OXR1: variants seen among roughly 807,000 people sequenced by gnomAD.
OXR1 encodes the protein oxidation resistance 1, also known as oxidation resistance protein 1.
Under a neutral mutation model 104.6 loss-of-function variants are expected in OXR1, and 41 were observed. The ratio of observed to expected loss-of-function variants is 0.39; its 90% CI spans 0.31 to 0.51. The LOEUF (loss-of-function observed/expected upper bound fraction) is 0.51, where lower values mean the gene tolerates loss of function less well. Ranked by LOEUF, OXR1 falls within the 20% of genes least tolerant of loss-of-function variation. The pLI is 0.77. For missense variants in OXR1, 955 were observed against 1,031.9 expected, an observed-to-expected ratio of 0.93 and a Z score of 1.02; for synonymous variants, 348 against 348.4, an observed-to-expected ratio of 1.00 and a Z score of 0.01.
At chr8:106,645,408 G>T (rs954588554) in intron 3 of OXR1, among the ~76,000 whole-genome samples, 1 of 152,172 alleles carries the variant, frequency 6.6e-6, no homozygotes, top group African/African-American at 2.4e-5. Flanking sequence ...GGCATGCCCT[G>T]CTTCTCTCTT....
intron 3 of OXR1, among the ~76,000 whole-genome samples, chr8:106,533,300 G>T (rs2167802): frequency 0.049 from 7,477 of 152,232 alleles, 203 homozygotes; most frequent in Middle Eastern, 0.068. Context: ...CTTAGCCTCT[G>T]CTAGTAATTA....
chr8:106,389,106 C>G (rs1457588948), intron 2 of OXR1, among the ~76,000 whole-genome samples: 2 of 152,134 alleles, frequency 1.3e-5, no homozygotes, highest in Non-Finnish European at 2.9e-5. Flanking sequence ...TTCCAAACCT[C>G]AAAAACTCCT....
chr8:106,314,523 A>G (rs1813844859), intron 1 of OXR1, among the ~76,000 whole-genome samples: 1 of 152,214 alleles, frequency 6.6e-6, no homozygotes, highest in African/African-American at 2.4e-5. Flanking sequence ...ATTCCCTTTT[A>G]TAGGCTATTT....
chr8:106,690,291 A>G (rs1587102133), intron 6 of OXR1, among the ~76,000 whole-genome samples: 1 of 151,046 alleles, frequency 6.6e-6, no homozygotes, highest in East Asian at 1.9e-4. Flanking sequence ...AATCATATAT[A>G]CTACATTCAT....
At chr8:106,524,537 C>T (rs1051040461) in intron 3 of OXR1, among the ~76,000 whole-genome samples, 8 of 152,194 alleles carry the variant, frequency 5.3e-5, no homozygotes, top group Admixed American at 1.3e-4. Flanking sequence ...AATATCCACA[C>T]GATCAGAATC....
chr8:106,613,226 A>C (rs1017136464), intron 3 of OXR1, among the ~76,000 whole-genome samples: 8 of 152,184 alleles, frequency 5.3e-5, no homozygotes, highest in African/African-American at 1.7e-4. Context: ...CAGATGGCTG[A>C]ATCGCCAGTA....
At chr8:106,448,476 A>T (rs1192520467) in intron 2 of OXR1, among the ~76,000 whole-genome samples, 1 of 150,546 alleles carries the variant, frequency 6.6e-6, no homozygotes, top group African/African-American at 2.5e-5. Flanking sequence ...ATTAAAATAT[A>T]TTAAGCACAT....
chr8:106,500,184 G>A (rs1242775732), intron 2 of OXR1, among the ~76,000 whole-genome samples: 2 of 152,192 alleles, frequency 1.3e-5, no homozygotes, highest in Non-Finnish European at 2.9e-5. Flanking sequence ...TATACTGAAG[G>A]AAGAGAAAGA....
intron 2 of OXR1, among the ~76,000 whole-genome samples, chr8:106,398,950 TC>T (rs1436594293): frequency 6.6e-6 from 1 of 152,164 alleles, no homozygotes; most frequent in East Asian, 1.9e-4. Flanking sequence ...TTTCTCATCT[TC>T]CCTAAAATTT....
intron 1 of OXR1, among the ~76,000 whole-genome samples, chr8:106,358,431 T>G (rs1388877675): frequency 6.6e-6 from 1 of 152,210 alleles, no homozygotes; most frequent in Admixed American, 6.5e-5. Flanking sequence ...CCCTTTTCTG[T>G]GCTCCCACAT....
intron 2 of OXR1, among the ~76,000 whole-genome samples, chr8:106,421,092 T>C (rs912401247): frequency 1.3e-5 from 2 of 152,106 alleles, no homozygotes; most frequent in Non-Finnish European, 1.5e-5. Flanking sequence ...TAAAACATAG[T>C]TCCAAAATAG....
chr8:106,505,283 A>G (rs1298594139), intron 2 of OXR1, among the ~76,000 whole-genome samples: 1 of 152,216 alleles, frequency 6.6e-6, no homozygotes, highest in Admixed American at 6.5e-5. Context: ...TGTGAAGCCT[A>G]TGAGGAGGGG....
At chr8:106,412,412 C>A (rs901129070) in intron 2 of OXR1, among the ~76,000 whole-genome samples, 1 of 152,156 alleles carries the variant, frequency 6.6e-6, no homozygotes, top group Non-Finnish European at 1.5e-5. Context: ...AAAGCCAAAT[C>A]TTGGAAACAA....
intron 3 of OXR1, among the ~76,000 whole-genome samples, chr8:106,588,206 A>G (rs1271166781): frequency 7.3e-5 from 11 of 151,300 alleles, no homozygotes; most frequent in African/African-American, 2.2e-4. Context: ...TGATCCGCCC[A>G]CCTCGGCCTC....
chr8:106,522,371 G>A (rs1586754630), intron 3 of OXR1, among the ~76,000 whole-genome samples: 1 of 152,138 alleles, frequency 6.6e-6, no homozygotes, highest in Non-Finnish European at 1.5e-5. Context: ...CAATGTAAAA[G>A]TTATAGAAAT....
chr8:106,635,441 A>G (rs1412940105), intron 3 of OXR1, among the ~76,000 whole-genome samples: 1 of 151,768 alleles, frequency 6.6e-6, no homozygotes, highest in East Asian at 1.9e-4. Flanking sequence ...GGAGAGGTGC[A>G]TTTGTTTTTG....
chr8:106,503,347 A>G (rs1017682225), intron 2 of OXR1, among the ~76,000 whole-genome samples: 6 of 152,306 alleles, frequency 3.9e-5, no homozygotes, highest in African/African-American at 1.4e-4. Context: ...TTACTCCCTC[A>G]TTTCAAAATG....
intron 2 of OXR1, among the ~76,000 whole-genome samples, chr8:106,378,915 G>C (rs1428391896): frequency 1.3e-5 from 2 of 152,148 alleles, no homozygotes; most frequent in Non-Finnish European, 2.9e-5. Context: ...ACACTGCTGA[G>C]TCTTATACCC....
In OXR1 at chr8:106,671,963, T is replaced by TATAATAATA. The variant is rs200351866; in HGVS notation, c.221-7212_221-7204dup. ...TGCACATGTACCCTAGAACTTAAAG[T>TATAATAATA]ATAATAATAATAATAATAATAATAA... On this transcript the variant is annotated intron_variant, in intron 3 of 16. Transcript: ENST00000517566. Among the ~76,000 whole-genome samples, 1,336 of 136,400 alleles carry TATAATAATA rather than the reference T, an allele frequency of 9.8e-3. 16 individuals carry two copies. Among genetic ancestry groups the TATAATAATA allele is most frequent in the African/African-American group, 0.022 (815 of 36,760 alleles). The allele number at this position is 136,400 out of a possible 152,430, so 89.5% of individuals were successfully genotyped here.
Sources: gnomAD v4.1 joint callset for allele counts (sites outside exome capture counted in the v4.1 genomes callset) on GRCh38, gnomAD v4.1.1 for gene constraint, MANE v1.5 for transcripts, NCBI Gene and HGNC (gene_info 2026-07-23, HGNC 2026-07-21) for gene names.